SMIM35: variants seen among roughly 807,000 people sequenced by gnomAD.
SMIM35 encodes TMPRSS4 antisense RNA 1 (non-protein coding).
At chr11:118,060,815 A>T (rs1944382777) in intron 1 of SMIM35, among the ~76,000 whole-genome samples, 1 of 151,740 alleles carries the variant, frequency 6.6e-6, no homozygotes, top group South Asian at 2.1e-4. Flanking sequence ...AGACATGGGT[A>T]CTCCCATCAT....
intron 1 of SMIM35, among the ~76,000 whole-genome samples, chr11:118,040,154 T>A (rs1943976538): frequency 1.3e-5 from 2 of 151,854 alleles, no homozygotes; most frequent in Non-Finnish European, 2.9e-5. Flanking sequence ...AGGCAGAGGT[T>A]GCAGTGAGCC....
At position 118,048,946 on chromosome 11, in the gene SMIM35, CAAAAA is replaced by C. The variant is rs57261529; in HGVS notation, c.8-33142_8-33138del. Among the ~76,000 whole-genome samples the C allele has an allele frequency of 1.5e-4, 9 of 60,506 alleles. 1 individual carries two copies. Among genetic ancestry groups the C allele is most frequent in the Admixed American group, 2.0e-4 (1 of 5,116 alleles). 39.7% of individuals were successfully genotyped at this position (60,506 alleles called of 152,430 possible). A position where few individuals can be genotyped will look rare whatever the true frequency, so the allele number is the denominator to read the frequency against. On this transcript the variant is annotated intron_variant, in intron 1 of 4. Transcript: ENST00000689828. ...GCCTATCGCCTAGGCTGAAGAGCTG[CAAAAA>C]AAAAAAAAAAAAAGCAAGTGAAAAC...
intron 1 of SMIM35, among the ~76,000 whole-genome samples, chr11:118,046,762 C>T (rs1944102404): frequency 6.6e-6 from 1 of 152,198 alleles, no homozygotes; most frequent in South Asian, 2.1e-4. Context: ...TCTTTCACAG[C>T]CAGACTGACA....
chr11:118,008,941 T>C (rs1244030698), intron 4 of SMIM35, among the ~76,000 whole-genome samples: 3 of 152,148 alleles, frequency 2.0e-5, no homozygotes, highest in Non-Finnish European at 4.4e-5. Flanking sequence ...AATAAATGAA[T>C]GCAAAGAAAT....
intron 1 of SMIM35, chr11:118,077,260 C>G (rs1251845657): frequency 6.3e-7 from 1 of 1,591,976 alleles, no homozygotes; most frequent in African/African-American, 1.3e-5. Context: ...GTGACAATCT[C>G]AGCTCCAGGC....
intron 1 of SMIM35, among the ~76,000 whole-genome samples, chr11:118,037,693 G>A (rs1181168698): frequency 2.6e-5 from 4 of 152,166 alleles, no homozygotes; most frequent in Admixed American, 1.3e-4. Flanking sequence ...GGGAGTCGGC[G>A]ACCTGTTCCA....
intron 4 of SMIM35, among the ~76,000 whole-genome samples, chr11:118,012,442 GC>G (rs1222238120): frequency 2.0e-5 from 3 of 152,150 alleles, no homozygotes; most frequent in African/African-American, 2.4e-5. Context: ...GTTCAGCCTC[GC>G]CTGGGTTCCT....
chr11:118,011,963 T>C (rs2058153057), intron 4 of SMIM35, among the ~76,000 whole-genome samples: 1 of 152,190 alleles, frequency 6.6e-6, no homozygotes. Context: ...GCTGGGAGAA[T>C]GGCCTCCAGA....
chr11:118,013,897 A>C lies in SMIM35; in HGVS notation c.159-17T>G. On this transcript the variant is annotated splice_polypyrimidine_tract_variant and intron_variant, in intron 3 of 4. Coordinates refer to ENST00000689828, the MANE Select transcript of SMIM35 (RefSeq NM_001394165.1). The stretch of plus-strand genomic sequence containing the variant: ...TTCAGGTTCCTGAAAAAGATGATCC[A>C]ATCAGGCTACTGGAGCTGATAACCT... 2.5e-6 allele frequency: 1 copy of C among 399,072 alleles called. No individual in the cohort carries two copies. The highest frequency in any genetic ancestry group is 4.4e-6 in the Non-Finnish European group (1 of 226,078). 24.7% of individuals were successfully genotyped at this position (399,072 alleles called of 1,614,324 possible). A position where few individuals can be genotyped will look rare whatever the true frequency, so the allele number is the denominator to read the frequency against.
At position 118,006,347 on chromosome 11, in the gene SMIM35, C is replaced by T. The variant is rs1324255701; in HGVS notation, c.*63G>A. 1 of 152,216 alleles carries T rather than the reference C, an allele frequency of 6.6e-6. No individual in the cohort carries two copies. The highest frequency in any genetic ancestry group is 1.5e-5 in the Non-Finnish European group (1 of 68,058). The allele number at this position is 152,216 out of a possible 1,614,324, so 9.4% of individuals were successfully genotyped here. A position where few individuals can be genotyped will look rare whatever the true frequency, so the allele number is the denominator to read the frequency against. ...TTCTGTTCTCTCCACATGAAACTGT[C>T]ATGTCAGTTCTGGGCCTCAGTCTTC... is the stretch of plus-strand genomic sequence containing the variant. On this transcript the variant is annotated 3_prime_UTR_variant, in exon 5 of 5. Transcript: ENST00000689828.
intron 1 of SMIM35, among the ~76,000 whole-genome samples, chr11:118,075,438 G>A (rs187321081): frequency 6.7e-4 from 102 of 152,238 alleles, no homozygotes; most frequent in African/African-American, 2.4e-3. Context: ...ACATCACTGG[G>A]GTCCTCCATG....
At chr11:118,080,339 G>C (rs1235093007) in intron 1 of SMIM35, among the ~76,000 whole-genome samples, 1 of 152,198 alleles carries the variant, frequency 6.6e-6, no homozygotes, top group Non-Finnish European at 1.5e-5. Context: ...CAGCAAGAAA[G>C]AGTGGTAGTA....
intron 1 of SMIM35, among the ~76,000 whole-genome samples, chr11:118,083,889 T>C (rs1213981608): frequency 6.6e-6 from 1 of 151,994 alleles, no homozygotes; most frequent in East Asian, 1.9e-4. Flanking sequence ...TACAAAAAAT[T>C]AGCTGGGCGG....
At chr11:118,043,913 G>A (rs1342370310) in intron 1 of SMIM35, among the ~76,000 whole-genome samples, 8 of 151,368 alleles carry the variant, frequency 5.3e-5, no homozygotes, top group Non-Finnish European at 1.2e-4. Context: ...TTTTTTAGGC[G>A]ATGAAAATGT....
intron 1 of SMIM35, among the ~76,000 whole-genome samples, chr11:118,035,732 A>G (rs1189387898): frequency 2.6e-5 from 4 of 152,110 alleles, no homozygotes; most frequent in Non-Finnish European, 5.9e-5. Flanking sequence ...CCCAGAAATG[A>G]CTGAAACAAA....
chr11:118,015,774 C>T lies in SMIM35; in HGVS notation c.43G>A (p.Gly15Ser), dbSNP rs2058177327. 2 of 399,402 alleles carry T rather than the reference C, an allele frequency of 5.0e-6. No individual in the cohort carries two copies. The highest frequency in any genetic ancestry group is 2.5e-4 in the South Asian group (2 of 7,866). The allele number at this position is 399,402 out of a possible 1,614,324, so 24.7% of individuals were successfully genotyped here. A position where few individuals can be genotyped will look rare whatever the true frequency, so the allele number is the denominator to read the frequency against. ...DSISTLGLIL[G>S]VGLLLLLVSI... ...ACGAGCAGCAGCAAGAGCCCCACGC[C>T]AAGGATCAGGCCCAAGGTGCTGATG... The change falls in exon 2 of 5, where the codon GGC (glycine) becomes AGC (serine). Residue 15 changes from glycine (G) to serine (S), a missense_variant. Physicochemically the swap from Gly to Ser is moderately conservative, Grantham distance 56. Transcript: ENST00000689828.
At chr11:118,025,311 T>G in intron 1 of SMIM35, 1 of 341,900 alleles carries the variant, frequency 2.9e-6, no homozygotes, top group Non-Finnish European at 5.7e-6. Context: ...AGTCAAATGG[T>G]AGTTGTGTTT....
intron 2 of SMIM35, 93 bp downstream of exon 2, chr11:118,015,600 T>C: frequency 2.5e-6 from 1 of 399,056 alleles, no homozygotes; most frequent in Non-Finnish European, 4.4e-6. Context: ...CCCACCATGC[T>C]GAAGAGTTTG....
At position 118,019,577 on chromosome 11, in the gene SMIM35, T is replaced by A. The variant is rs1187974681; in HGVS notation, c.8-3768A>T. 1.7e-4 allele frequency among the ~76,000 whole-genome samples: 26 copies of A among 152,236 alleles called. 1 individual carries two copies. Among genetic ancestry groups the A allele is most frequent in the Admixed American group, 1.7e-3 (26 of 15,290 alleles). ...CTGTGGTTTGCCTCTTAAGTTTGCC[T>A]ATAGTGTCTTTTTTGAGCAGAATTT... is the stretch of plus-strand genomic sequence containing the variant. On this transcript the variant is annotated intron_variant, in intron 1 of 4. Transcript: ENST00000689828.
Sources: gnomAD v4.1 joint callset for allele counts (sites outside exome capture counted in the v4.1 genomes callset) on GRCh38, gnomAD v4.1.1 for gene constraint, MANE v1.5 for transcripts, NCBI Gene and HGNC (gene_info 2026-07-23, HGNC 2026-07-21) for gene names.